OVCH1: variants seen among roughly 807,000 people sequenced by gnomAD.
OVCH1 encodes ovochymase-1.
Under a neutral mutation model 138.4 loss-of-function variants are expected in OVCH1, and 139 were observed. The ratio of observed to expected loss-of-function variants is 1.00; its 90% CI spans 0.87 to 1.16. The LOEUF (loss-of-function observed/expected upper bound fraction) is 1.16, where lower values mean the gene tolerates loss of function less well. OVCH1 is among the 50% of genes most tolerant of loss of function. The probability of loss-of-function intolerance (pLI) is 0.00; values close to 1 mark genes in which losing one functional copy is unlikely to be tolerated. For missense variants in OVCH1, 1,367 were observed against 1,357.9 expected, an observed-to-expected ratio of 1.01 and a Z score of -0.11; for synonymous variants, 453 against 467.8, an observed-to-expected ratio of 0.97 and a Z score of 0.41.
intron 3 of OVCH1, among the ~76,000 whole-genome samples, chr12:29,417,886 A>T (rs1941053787): frequency 6.6e-6 from 1 of 152,170 alleles, no homozygotes; most frequent in African/African-American, 2.4e-5. Context: ...TGACTTGGTT[A>T]TAAAAGAACA....
At chr12:29,406,560 G>GT in the OVCH1 span, among the ~76,000 whole-genome samples, 1 of 151,740 alleles carries the variant, frequency 6.6e-6, no homozygotes, top group Non-Finnish European at 1.5e-5. Context: ...ACGGTGTTTG[G>GT]TTTTTTGTTC....
chr12:29,478,079 G>C (rs1011568468), intron 9 of OVCH1, among the ~76,000 whole-genome samples: 4 of 152,252 alleles, frequency 2.6e-5, no homozygotes, highest in Non-Finnish European at 5.9e-5. Context: ...TGGCCTTATA[G>C]AGAACTAGAG....
chr12:29,439,754 C>T (rs1381786994), intron 25 of OVCH1, among the ~76,000 whole-genome samples, 99 bp downstream of exon 26: 3 of 152,216 alleles, frequency 2.0e-5, no homozygotes, highest in African/African-American at 7.2e-5. Context: ...GTCACATGTG[C>T]TACTGACTGC....
chr12:29,445,215 T>C (rs1319848149), intron 23 of OVCH1, 63 bp downstream of exon 23: 12 of 1,476,366 alleles, frequency 8.1e-6, no homozygotes, highest in African/African-American at 2.8e-5. Flanking sequence ...TTTGGAAATA[T>C]TCCTAAATAG....
chr12:29,482,674 G>A (rs1256603373), intron 8 of OVCH1, among the ~76,000 whole-genome samples: 1 of 152,172 alleles, frequency 6.6e-6, no homozygotes, highest in African/African-American at 2.4e-5. Context: ...TGTGGCTTCT[G>A]ATCCTACAGT....
At chr12:29,476,755 GCACACACACACACACACACACACACA>G (rs548409739) in intron 12 of OVCH1, among the ~76,000 whole-genome samples, 33 of 103,422 alleles carry the variant, frequency 3.2e-4, no homozygotes, top group East Asian at 7.5e-4. Context: ...ACACACGCGC[GCACACACACACACACACACACACACA>G]CACACACACA....
chr12:29,479,311 AT>A (rs1942848431), intron 8 of OVCH1, among the ~76,000 whole-genome samples: 1 of 152,220 alleles, frequency 6.6e-6, no homozygotes, highest in Non-Finnish European at 1.5e-5. Flanking sequence ...AGGTTGAATT[AT>A]GGTTCTCATG....
chr12:29,487,108 G>A (rs965963925), intron 7 of OVCH1: 7 of 266,426 alleles, frequency 2.6e-5, no homozygotes, highest in Middle Eastern at 1.5e-3. Flanking sequence ...ACTATGTTCT[G>A]GGGCTCTGGG....
At chr12:29,467,940 C>G (rs879920527) in intron 16 of OVCH1, among the ~76,000 whole-genome samples, 1 of 151,644 alleles carries the variant, frequency 6.6e-6, no homozygotes, top group Admixed American at 6.6e-5. Flanking sequence ...GTTACACCAG[C>G]GTATGAGCAC....
At chr12:29,441,528 A>C (rs1690155854) in intron 25 of OVCH1, among the ~76,000 whole-genome samples, 1 of 152,128 alleles carries the variant, frequency 6.6e-6, no homozygotes, top group Admixed American at 6.5e-5. Flanking sequence ...CTAGAACAAA[A>C]CCTAGGCATT....
At chr12:29,414,016 CTCTCT>C (rs1565560241) in intron 3 of OVCH1, among the ~76,000 whole-genome samples, 1 of 140,202 alleles carries the variant, frequency 7.1e-6, no homozygotes, top group African/African-American at 2.7e-5. Context: ...TCCTCTCTCT[CTCTCT>C]TTTTTTTTTT....
intron 19 of OVCH1, among the ~76,000 whole-genome samples, chr12:29,459,680 A>T (rs1942066887): frequency 6.6e-6 from 1 of 152,104 alleles, no homozygotes; most frequent in South Asian, 2.1e-4. Flanking sequence ...AGTGATGTGT[A>T]TACCCAATTT....
At chr12:29,443,314 C>A in intron 25 of OVCH1, 47 bp downstream of exon 25, 1 of 1,576,962 alleles carries the variant, frequency 6.3e-7, no homozygotes, top group East Asian at 2.3e-5. Flanking sequence ...AAACATGTTT[C>A]ATCAGAGAAA....
intron 25 of OVCH1, among the ~76,000 whole-genome samples, chr12:29,441,406 T>G (rs1342372676): frequency 1.3e-5 from 2 of 152,168 alleles, no homozygotes; most frequent in Admixed American, 1.3e-4. Context: ...CTGGGAAAAC[T>G]GGCTAGCCAT....
rs1592093406 is a variant in OVCH1 at position 29,476,431 on chromosome 12, G to A, written c.1378-132C>T. ...CCTTCACATAGAAGTGTAAATAATT[G>A]CAGTCTCTTTGAAGGGCAATTTGGC... On this transcript the variant is annotated intron_variant, in intron 12 of 27. Transcript: ENST00000318184. 3 of 754,064 alleles carry A rather than the reference G, an allele frequency of 4.0e-6. No individual in the cohort carries two copies. In the East Asian group the frequency reaches 7.5e-5, roughly 19 times the overall value. 46.7% of individuals were successfully genotyped at this position (754,064 alleles called of 1,614,324 possible).
intron 18 of OVCH1, among the ~76,000 whole-genome samples, chr12:29,462,401 TATAATTGCTTAC>T (rs1942169457): frequency 6.6e-6 from 1 of 151,090 alleles, no homozygotes; most frequent in Non-Finnish European, 1.5e-5. Flanking sequence ...TACATAAATA[TATAATTGCTTAC>T]AAATAATATG....
At chr12:29,424,430 AGTTCATGGCCAGATTTTGGGGGGCCT>A (rs1452556515), downstream of OVCH1, among the ~76,000 whole-genome samples, 85 of 152,360 alleles carry the variant, frequency 5.6e-4, no homozygotes, top group African/African-American at 2.0e-3. Flanking sequence ...TTTTGGGGCC[AGTTCATGGCCAGATTTTGGGGGGCCT>A]GTTCCCAACA....
chr12:29,471,665 G>A (rs1942512052), intron 16 of OVCH1, 137 bp downstream of exon 16: 1 of 957,156 alleles, frequency 1.0e-6, no homozygotes, highest in Non-Finnish European at 1.5e-6. Context: ...TAGCTAGATG[G>A]CTATGCAGAA....
At chr12:29,445,530 A>C (rs1357289828) in intron 22 of OVCH1, 127 bp from the exon 23 acceptor site, 5 of 963,020 alleles carry the variant, frequency 5.2e-6, no homozygotes, top group African/African-American at 5.0e-5. Context: ...AAATGATGAA[A>C]CAGGACTCCA....
Sources: allele counts gnomAD v4.1 joint callset (sites outside exome capture counted in the v4.1 genomes callset), GRCh38; gene constraint gnomAD v4.1.1; transcripts MANE v1.5; gene names NCBI Gene and HGNC (gene_info 2026-07-23, HGNC 2026-07-21).